Variants in ST3GAL2 observed in about 807,000 individuals in gnomAD.
ST3GAL2 encodes the protein ST3 beta-galactoside alpha-2,3-sialyltransferase 2.
ST3GAL2 carries 16 observed loss-of-function variants against 37.5 expected under a neutral mutation model. The observed-to-expected ratio is 0.43, with a 90% CI of 0.29 to 0.65. The LOEUF is 0.65. Among genes scored for constraint, ST3GAL2 ranks in the 30% least tolerant of loss-of-function variants. The pLI is 0.17. For missense variants in ST3GAL2, 383 were observed against 487.8 expected, an observed-to-expected ratio of 0.79 and a Z score of 2.02; for synonymous variants, 238 against 202.9, an observed-to-expected ratio of 1.17 and a Z score of -1.47.
intron 1 of ST3GAL2, among the ~76,000 whole-genome samples, chr16:70,405,755 G>A (rs2047587066): frequency 1.3e-5 from 2 of 151,776 alleles, no homozygotes; most frequent in Admixed American, 6.6e-5. Flanking sequence ...ATTGTTTGTG[G>A]TGAATAGGTT....
At chr16:70,391,856 G>C (rs191815997) in intron 3 of ST3GAL2, among the ~76,000 whole-genome samples, 1 of 152,124 alleles carries the variant, frequency 6.6e-6, no homozygotes, top group African/African-American at 2.4e-5. Flanking sequence ...CAGTTCTCTC[G>C]CCTCAGCCTC....
Position 70,395,118 on chromosome 16 carries a change from G to C in ST3GAL2, c.397C>G (p.Gln133Glu). 1 of 1,613,524 alleles carries C rather than the reference G, an allele frequency of 6.2e-7. No homozygotes were observed. Among genetic ancestry groups the C allele is most frequent in the Non-Finnish European group, 8.5e-7 (1 of 1,179,746 alleles). ...TAGGGGTTCTCGCCAGGCACTATCT[G>C]GAACAGCTTCTCCAGCACCTCATTG... ...NTNEVLEKLF[Q>E]IVPGENPYRF... Residue 133 changes from glutamine to glutamate, a missense_variant, in exon 3 of 7, where the codon CAG becomes GAG. Coordinates refer to ENST00000342907, the MANE Select transcript of ST3GAL2 (RefSeq NM_006927.4).
At chr16:70,398,156 G>T (rs760115562) in intron 2 of ST3GAL2, 36 bp downstream of exon 2, 6 of 1,594,764 alleles carry the variant, frequency 3.8e-6, no homozygotes, top group Non-Finnish European at 5.1e-6. Context: ...TCTAAAACTG[G>T]GGGACAGATC....
At position 70,398,388 on chromosome 16, in the gene ST3GAL2, A is replaced by T; in HGVS notation, c.143T>A (p.Val48Glu). ...DSGALDGTHR[V>E]KLVPGYAGLQ... ...GCCGGCATAGCCGGGCACCAGCTTC[A>T]CCCGGTGCGTCCCATCCAGGGCCCC... Residue 48 changes from valine (V) to glutamate (E), a missense_variant, in exon 2 of 7, where the codon GTG (valine) becomes GAG (glutamate). Val to Glu is a moderately radical substitution (Grantham distance 121, BLOSUM62 -2). Transcript: ENST00000342907. 1 of 1,613,542 alleles carries T rather than the reference A, an allele frequency of 6.2e-7. No homozygotes were observed. The highest frequency in any genetic ancestry group is 8.5e-7 in the Non-Finnish European group (1 of 1,179,994).
chr16:70,420,018 C>CT (rs892499115), intron 1 of ST3GAL2, among the ~76,000 whole-genome samples: 1 of 148,822 alleles, frequency 6.7e-6, no homozygotes, highest in Non-Finnish European at 1.5e-5. Flanking sequence ...TTGACCCCCC[C>CT]CTTCCCTTTT....
intron 1 of ST3GAL2, among the ~76,000 whole-genome samples, chr16:70,438,089 G>C (rs931371097): frequency 2.6e-5 from 4 of 152,202 alleles, no homozygotes; most frequent in Admixed American, 2.6e-4. Flanking sequence ...GTTGGCAAAA[G>C]ATAAATCGAA....
At chr16:70,420,390 C>T (rs1227779940) in intron 1 of ST3GAL2, among the ~76,000 whole-genome samples, 4 of 152,208 alleles carry the variant, frequency 2.6e-5, no homozygotes, top group Admixed American at 6.5e-5. Flanking sequence ...GGGAAACAGG[C>T]ATCCCTCCCT....
In ST3GAL2 at chr16:70,388,354, G is replaced by C. The variant is rs887814947; in HGVS notation, c.713+13C>G. The stretch of plus-strand genomic sequence containing the variant: ...TGTCACCCATATTCTACCCAGGCCA[G>C]CAAGAAGCTCACAATCGGATCTGCC... On this transcript the variant is annotated intron_variant, in intron 4 of 6. Coordinates refer to ENST00000342907, the MANE Select transcript of ST3GAL2 (RefSeq NM_006927.4). 3.7e-6 allele frequency: 6 copies of C among 1,613,876 alleles called. No individual in the cohort carries two copies. In the African/African-American group the frequency reaches 6.7e-5, roughly 18 times the overall value.
rs978394347 is a variant in ST3GAL2, at chr16:70,379,225, G to A, written c.*2464C>T. 1.3e-5 allele frequency: 2 copies of A among 152,162 alleles called. No homozygotes were observed. The highest frequency in any genetic ancestry group is 6.5e-5 in the Admixed American group (1 of 15,268). The allele number at this position is 152,162 out of a possible 1,614,324, so 9.4% of individuals were successfully genotyped here. On this transcript the variant is annotated 3_prime_UTR_variant, in exon 7 of 7. Transcript: ENST00000342907. Reference sequence around the variant, plus strand: ...GTGGTTACAGGACAGCCACTGCGAGGAGCTGCTACCAGGAATCCTCTCCAA... The same window carrying A: ...GTGGTTACAGGACAGCCACTGCGAGAAGCTGCTACCAGGAATCCTCTCCAA...
chr16:70,410,670 G>A (rs1300661235), intron 1 of ST3GAL2, among the ~76,000 whole-genome samples: 1 of 151,122 alleles, frequency 6.6e-6, no homozygotes, highest in Non-Finnish European at 1.5e-5. Flanking sequence ...CAGTTTTTCA[G>A]TAATGCCATT....
intron 1 of ST3GAL2, among the ~76,000 whole-genome samples, chr16:70,409,892 C>T (rs533871104): frequency 6.6e-6 from 1 of 151,414 alleles, no homozygotes; most frequent in East Asian, 1.9e-4. Flanking sequence ...CTGCCTCAGC[C>T]TCCCAAGTAG....
chr16:70,406,159 T>C (rs1313004748), intron 1 of ST3GAL2, among the ~76,000 whole-genome samples: 3 of 150,592 alleles, frequency 2.0e-5, no homozygotes, highest in Non-Finnish European at 4.4e-5. Flanking sequence ...AAAGAGAGAA[T>C]GGTGCTGGGC....
At chr16:70,406,366 G>C (rs958834485) in intron 1 of ST3GAL2, among the ~76,000 whole-genome samples, 1 of 152,038 alleles carries the variant, frequency 6.6e-6, no homozygotes, top group Non-Finnish European at 1.5e-5. Context: ...AAATTAGCCG[G>C]GGGGTGGTGG....
chr16:70,420,707 G>C (rs2047709096), intron 1 of ST3GAL2, among the ~76,000 whole-genome samples: 1 of 152,208 alleles, frequency 6.6e-6, no homozygotes, highest in South Asian at 2.1e-4. Flanking sequence ...CCTATCTTTA[G>C]CTTTCTTTTG....
At chr16:70,394,100 T>C (rs749114130) in intron 3 of ST3GAL2, among the ~76,000 whole-genome samples, 18 of 152,062 alleles carry the variant, frequency 1.2e-4, no homozygotes, top group Non-Finnish European at 2.4e-4. Context: ...CTGCCCCCTA[T>C]TCCCTGTTCA....
At chr16:70,429,882 A>G (rs1280773711) in intron 1 of ST3GAL2, among the ~76,000 whole-genome samples, 2 of 152,020 alleles carry the variant, frequency 1.3e-5, no homozygotes, top group Non-Finnish European at 2.9e-5. Context: ...ACCTCAGGTG[A>G]TCTGCCCGCC....
chr16:70,393,986 GGA>G (rs2047498716), intron 3 of ST3GAL2, among the ~76,000 whole-genome samples: 1 of 152,172 alleles, frequency 6.6e-6, no homozygotes. Flanking sequence ...CCTCTACCAA[GGA>G]GTCGGGTAGG....
chr16:70,385,334 G>C (rs1391153791), intron 4 of ST3GAL2, among the ~76,000 whole-genome samples: 1 of 151,988 alleles, frequency 6.6e-6, no homozygotes, highest in Non-Finnish European at 1.5e-5. Flanking sequence ...AAAAAGAATA[G>C]TTAAATCATA....
intron 1 of ST3GAL2, among the ~76,000 whole-genome samples, chr16:70,426,109 T>C: frequency 6.6e-6 from 1 of 150,534 alleles, no homozygotes; most frequent in Admixed American, 6.6e-5. Flanking sequence ...TGACCGTCAA[T>C]ATAGAACGTA....
Sources: allele counts gnomAD v4.1 joint callset (sites outside exome capture counted in the v4.1 genomes callset), GRCh38; gene constraint gnomAD v4.1.1; transcripts MANE v1.5; gene names NCBI Gene and HGNC (gene_info 2026-07-23, HGNC 2026-07-21).